ABR: variants seen among roughly 807,000 people sequenced by gnomAD.
ABR encodes the protein active breakpoint cluster region-related protein.
ABR carries 35 observed loss-of-function variants against 107.2 expected under a neutral mutation model. The observed-to-expected ratio is 0.33, with a 90% CI of 0.25 to 0.43. The LOEUF is 0.43. Ranked by LOEUF, ABR falls within the 20% of genes least tolerant of loss-of-function variation. ABR has a pLI of 1.00. For missense variants in ABR, 815 were observed against 1,115.2 expected, an observed-to-expected ratio of 0.73 and a Z score of 3.83; for synonymous variants, 498 against 462.0, an observed-to-expected ratio of 1.08 and a Z score of -1.00.
At chr17:1,067,359 C>G (rs1399428042) in intron 9 of ABR, 117 bp from the exon 10 acceptor site, 1 of 1,016,302 alleles carries the variant, frequency 9.8e-7, no homozygotes, top group Non-Finnish European at 1.4e-6. Flanking sequence ...TCGCCAGAAG[C>G]AAGAACGATC....
chr17:1,022,991 C>T (rs2071816410), intron 16 of ABR, among the ~76,000 whole-genome samples: 1 of 146,042 alleles, frequency 6.8e-6, no homozygotes, highest in Admixed American at 6.7e-5. Flanking sequence ...CTCTGCCTGC[C>T]CCACGTCCGC....
At chr17:1,151,443 C>T (rs917442693) in intron 1 of ABR, among the ~76,000 whole-genome samples, 2 of 152,198 alleles carry the variant, frequency 1.3e-5, no homozygotes, top group African/African-American at 2.4e-5. Context: ...TCCAGCCCTG[C>T]CCTCCCCAAC....
chr17:1,192,564 G>A (rs545363200), intron 1 of ABR, among the ~76,000 whole-genome samples: 2 of 151,744 alleles, frequency 1.3e-5, no homozygotes, highest in Non-Finnish European at 2.9e-5. Flanking sequence ...ATCACCTGAG[G>A]CCACGAGTTC....
intron 1 of ABR, among the ~76,000 whole-genome samples, chr17:1,160,137 A>G (rs761347611): frequency 4.0e-5 from 6 of 151,832 alleles, no homozygotes; most frequent in Admixed American, 6.6e-5. Flanking sequence ...GGGCCGCTGT[A>G]CCTCTCCTCT....
rs531259658 is a variant in ABR, at chr17:1,089,128, C to T, written c.531+2537G>A. Reference sequence around the variant, plus strand: ...GGCCAGGCTGGTCTCGAACTCCTGACCTCACGATCCACCCACCCCGGCCTC... The same window carrying T: ...GGCCAGGCTGGTCTCGAACTCCTGATCTCACGATCCACCCACCCCGGCCTC... On this transcript the variant is annotated intron_variant, in intron 4 of 22. Transcript: ENST00000302538. 2.7e-4 allele frequency among the ~76,000 whole-genome samples: 41 copies of T among 152,118 alleles called. 1 individual carries two copies. The East Asian group carries it at 4.8e-3, about 18-fold the overall frequency.
chr17:1,094,598 T>C, intron 3 of ABR, among the ~76,000 whole-genome samples: 1 of 152,174 alleles, frequency 6.6e-6, no homozygotes. Flanking sequence ...CTCAAACTCC[T>C]GACTTCAAGT....
chr17:1,227,949 G>T (rs921957399), intron 1 of ABR, among the ~76,000 whole-genome samples: 3 of 152,208 alleles, frequency 2.0e-5, no homozygotes, highest in Non-Finnish European at 4.4e-5. Flanking sequence ...GGGGTTCAAA[G>T]ATGACTAAGA....
chr17:1,083,406 A>C, intron 5 of ABR, 114 bp downstream of exon 5: 1 of 628,448 alleles, frequency 1.6e-6, no homozygotes, highest in Non-Finnish European at 2.8e-6. Context: ...GCTAAGTGTT[A>C]CCCATTAGAG....
chr17:1,024,271 C>T (rs2071989571), intron 16 of ABR, among the ~76,000 whole-genome samples: 2 of 152,306 alleles, frequency 1.3e-5, no homozygotes, highest in South Asian at 4.1e-4. Flanking sequence ...GCACAGCGTG[C>T]CAGGACGGGC....
At chr17:1,088,928 G>A (rs1289587355) in intron 4 of ABR, among the ~76,000 whole-genome samples, 1 of 123,216 alleles carries the variant, frequency 8.1e-6, no homozygotes, top group African/African-American at 3.2e-5. Flanking sequence ...CAGAGTCTCA[G>A]TCTGTCATCC....
chr17:1,098,171 G>C (rs1567751332), intron 3 of ABR, among the ~76,000 whole-genome samples: 1 of 151,240 alleles, frequency 6.6e-6, no homozygotes, highest in Admixed American at 6.6e-5. Flanking sequence ...CTCCCAGGTT[G>C]ACGCCATTCT....
Position 1,051,178 on chromosome 17 carries a change from T to A in ABR, c.1562-544A>T, listed in dbSNP as rs900019316. Among the ~76,000 whole-genome samples the A allele has an allele frequency of 3.3e-5, 5 of 151,998 alleles. No homozygotes were observed. Among genetic ancestry groups the A allele is most frequent in the Non-Finnish European group, 7.4e-5 (5 of 68,008 alleles). On this transcript the variant is annotated intron_variant, in intron 14 of 22. Coordinates refer to ENST00000302538, the MANE Select transcript of ABR (RefSeq NM_021962.5). This position sits in a 1 kb window ranked among gnomAD's most constrained non-coding sequence, Gnocchi z 4.3. Reference sequence around the variant, plus strand: ...GCGGTGACGACCAACAACGCCCACATCCCCAAGCCCAGGGTGCTGTGGTTT... The same window carrying A: ...GCGGTGACGACCAACAACGCCCACAACCCCAAGCCCAGGGTGCTGTGGTTT...
intron 2 of ABR, among the ~76,000 whole-genome samples, chr17:1,118,163 C>T (rs1325495259): frequency 1.4e-4 from 7 of 49,326 alleles, no homozygotes; most frequent in Admixed American, 2.2e-4. Context: ...GCCTGAGTTC[C>T]TCCCAGCGTT....
intron 3 of ABR, 101 bp from the exon 4 acceptor site, chr17:1,091,951 C>A: frequency 7.9e-7 from 1 of 1,263,680 alleles, no homozygotes. Context: ...CTGCCCAAGT[C>A]CTGCCCAGAC....
intron 16 of ABR, among the ~76,000 whole-genome samples, chr17:1,033,697 G>A (rs912896531): frequency 6.6e-6 from 1 of 152,166 alleles, no homozygotes; most frequent in Non-Finnish European, 1.5e-5. Flanking sequence ...CGGTGCACAC[G>A]GAACTTCCTC....
At chr17:1,144,375 A>C (rs2040439869) in intron 1 of ABR, among the ~76,000 whole-genome samples, 1 of 151,704 alleles carries the variant, frequency 6.6e-6, no homozygotes, top group African/African-American at 2.4e-5. Context: ...CGCCCATGGA[A>C]AGGCAACGGG....
rs188901441 is a variant in ABR at position 1,084,124 on chromosome 17, C to T, written c.532-497G>A. 3.0e-3 allele frequency among the ~76,000 whole-genome samples: 456 copies of T among 152,242 alleles called. 3 individuals are homozygous for T. The highest frequency in any genetic ancestry group is 9.7e-3 in the African/African-American group (403 of 41,542). The stretch of plus-strand genomic sequence containing the variant: ...AAGGTGCTGTCTTGGCCGGGCGTGG[C>T]GGCTCACGCCTGTAACCCCAGCACT... On this transcript the variant is annotated intron_variant, in intron 4 of 22. Coordinates refer to ENST00000302538, the MANE Select transcript of ABR (RefSeq NM_021962.5). This position sits in a 1 kb window ranked among gnomAD's most constrained non-coding sequence, Gnocchi z 4.2.
chr17:1,205,448 G>T (rs986548728), intron 1 of ABR, among the ~76,000 whole-genome samples: 2 of 152,190 alleles, frequency 1.3e-5, no homozygotes, highest in Non-Finnish European at 2.9e-5. Context: ...GAGTGGGGTC[G>T]GGGGGAGAGG....
At chr17:1,012,202 G>A (rs2070647762) in intron 18 of ABR, 3 of 739,518 alleles carry the variant, frequency 4.1e-6, no homozygotes, top group Non-Finnish European at 7.1e-6. Context: ...GTGGGCAGGA[G>A]AAGCCTTGGG....
Sources: allele counts gnomAD v4.1 joint callset (sites outside exome capture counted in the v4.1 genomes callset), GRCh38; gene constraint gnomAD v4.1.1; non-coding constraint Gnocchi (gnomAD v3.1); transcripts MANE v1.5; gene names NCBI Gene and HGNC (gene_info 2026-07-23, HGNC 2026-07-21).